Variants in PCDH15 observed in about 807,000 individuals in gnomAD.
The protein encoded by PCDH15 is protocadherin-15.
PCDH15 carries 129 observed loss-of-function variants against 178.5 expected under a neutral mutation model. That is an observed-to-expected ratio of 0.72 (90% CI 0.63 to 0.84). The LOEUF (loss-of-function observed/expected upper bound fraction) is 0.84. PCDH15 is among the 40% of genes least tolerant of loss of function. The probability of loss-of-function intolerance (pLI) is 0.00; values close to 1 mark genes in which losing one functional copy is unlikely to be tolerated. For synonymous variants in PCDH15, 800 were observed against 732.0 expected (o/e 1.09, Z -1.50); for missense variants, 2,230 against 2,099.9 (o/e 1.06, Z -1.21).
At chr10:55,120,285 G>A (rs1331678272) in intron 2 of PCDH15, among the ~76,000 whole-genome samples, 3 of 152,104 alleles carry the variant, frequency 2.0e-5, no homozygotes, top group African/African-American at 7.2e-5. Flanking sequence ...GATGAGACCT[G>A]GTGTGAAGGA....
intron 9 of PCDH15, among the ~76,000 whole-genome samples, chr10:54,233,498 T>C (rs185983143): frequency 1.3e-5 from 2 of 152,326 alleles, no homozygotes; most frequent in Admixed American, 1.3e-4. Flanking sequence ...GAATAGAGTT[T>C]GTATTATTTC....
rs182246199 is a variant in PCDH15 at position 54,056,535 on chromosome 10, A to G, written c.2220+10222T>C. 2.0e-5 allele frequency among the ~76,000 whole-genome samples: 3 copies of G among 152,250 alleles called. No homozygotes were observed. The East Asian group carries it at 5.8e-4, about 30-fold the overall frequency. On this transcript the variant is annotated intron_variant, in intron 18 of 37. Transcript: ENST00000644397. Reference sequence around the variant, plus strand: ...TCAGATCTTGAGAGACTTATTCACTACCATGAGAACAGTGTGGGGAAAACT... The same window carrying G: ...TCAGATCTTGAGAGACTTATTCACTGCCATGAGAACAGTGTGGGGAAAACT...
chr10:54,907,281 A>T (rs916655673), intron 2 of PCDH15, among the ~76,000 whole-genome samples: 6 of 152,338 alleles, frequency 3.9e-5, no homozygotes, highest in South Asian at 2.1e-4. Flanking sequence ...TAACTGAAAA[A>T]TATCTGATTT....
intron 1 of PCDH15, among the ~76,000 whole-genome samples, chr10:55,204,754 T>A (rs1035540105): frequency 2.6e-5 from 4 of 152,052 alleles, no homozygotes; most frequent in Non-Finnish European, 5.9e-5. Flanking sequence ...AAAATCTTTA[T>A]CAAGGACTCA....
intron 2 of PCDH15, among the ~76,000 whole-genome samples, chr10:55,337,917 A>C (rs1432085981): frequency 6.6e-6 from 1 of 152,326 alleles, no homozygotes; most frequent in Middle Eastern, 3.4e-3. Flanking sequence ...TCCATCTGAC[A>C]AAGGCTTAAT....
At chr10:54,534,173 G>GT (rs978872150) in intron 2 of PCDH15, among the ~76,000 whole-genome samples, 6 of 152,016 alleles carry the variant, frequency 3.9e-5, no homozygotes, top group Non-Finnish European at 8.8e-5. Context: ...CGAATAAAAT[G>GT]TTTTTTCTAT....
intron 2 of PCDH15, among the ~76,000 whole-genome samples, chr10:55,351,024 T>G (rs1844916665): frequency 1.1e-5 from 1 of 91,836 alleles, no homozygotes. Flanking sequence ...CTCTCCCTGC[T>G]TCCTCCCCCT....
chr10:54,938,513 C>T (rs1179421148), intron 2 of PCDH15, among the ~76,000 whole-genome samples: 6 of 151,804 alleles, frequency 4.0e-5, no homozygotes, highest in Admixed American at 3.9e-4. Context: ...TTAATTTTTT[C>T]TTAAATATTT....
intron 2 of PCDH15, among the ~76,000 whole-genome samples, chr10:54,577,165 C>T (rs2090560665): frequency 6.6e-6 from 1 of 151,900 alleles, no homozygotes; most frequent in Non-Finnish European, 1.5e-5. Flanking sequence ...TCACTGCAAC[C>T]TCTGCCTACT....
intron 2 of PCDH15, among the ~76,000 whole-genome samples, chr10:55,391,144 C>T (rs1328687789): frequency 6.6e-6 from 1 of 152,160 alleles, no homozygotes; most frequent in East Asian, 1.9e-4. Flanking sequence ...TTAGTGTAGC[C>T]ACACTTATCA....
intron 2 of PCDH15, among the ~76,000 whole-genome samples, chr10:55,326,166 T>C (rs1231359712): frequency 1.3e-5 from 2 of 152,210 alleles, no homozygotes; most frequent in East Asian, 3.9e-4. Flanking sequence ...TTTACAGAAA[T>C]CAGTTTGACA....
rs16907458 is a variant in PCDH15, at chr10:55,475,012, T to G, written c.-156+152613A>C. On this transcript the variant is annotated intron_variant, in intron 2 of 5. Transcript: ENST00000613346. ...TAATTACTGGCCATCTAACTAAAAT[T>G]AGTACCTTCACAACACTCGTCTTCG... Among the ~76,000 whole-genome samples, 712 of 152,152 alleles carry G rather than the reference T, an allele frequency of 4.7e-3. 7 individuals are homozygous for G. Among genetic ancestry groups the G allele is most frequent in the African/African-American group, 0.016 (678 of 41,520 alleles).
chr10:55,033,275 G>T (rs911604904), intron 2 of PCDH15, among the ~76,000 whole-genome samples: 4 of 152,102 alleles, frequency 2.6e-5, no homozygotes, highest in Non-Finnish European at 5.9e-5. Context: ...TGGCAGCAGG[G>T]CCGCTCGAGA....
At chr10:55,458,664 A>T (rs538190556) in intron 2 of PCDH15, among the ~76,000 whole-genome samples, 2 of 152,032 alleles carry the variant, frequency 1.3e-5, no homozygotes, top group Non-Finnish European at 2.9e-5. Flanking sequence ...TGAATAGCAG[A>T]ACTAAAATAT....
intron 1 of PCDH15, among the ~76,000 whole-genome samples, chr10:55,271,659 T>G (rs539477979): frequency 7.2e-5 from 11 of 152,166 alleles, no homozygotes; most frequent in African/African-American, 2.2e-4. Flanking sequence ...ATTGAAGCAG[T>G]GGTCACTCCT....
chr10:55,415,478 C>T (rs1245297759), intron 2 of PCDH15, among the ~76,000 whole-genome samples: 3 of 151,560 alleles, frequency 2.0e-5, no homozygotes, highest in Admixed American at 6.6e-5. Flanking sequence ...GATAAAAGGA[C>T]GTTTTACAAT....
intron 3 of PCDH15, among the ~76,000 whole-genome samples, chr10:54,875,434 A>G (rs1041280657): frequency 2.0e-5 from 3 of 152,112 alleles, no homozygotes; most frequent in African/African-American, 7.2e-5. Context: ...ATCTCACTTT[A>G]ATTTCAAACC....
At chr10:55,408,918 G>A (rs538113056) in intron 2 of PCDH15, among the ~76,000 whole-genome samples, 14 of 152,182 alleles carry the variant, frequency 9.2e-5, no homozygotes, top group African/African-American at 3.1e-4. Context: ...ATTTGGCATG[G>A]TGTATCACCA....
At chr10:55,250,932 G>A (rs1301734393) in intron 1 of PCDH15, among the ~76,000 whole-genome samples, 2 of 151,844 alleles carry the variant, frequency 1.3e-5, no homozygotes, top group Non-Finnish European at 2.9e-5. Flanking sequence ...AATAATGCTC[G>A]GTAGGAAGTA....
Sources: gnomAD v4.1 joint callset for allele counts (sites outside exome capture counted in the v4.1 genomes callset) on GRCh38, gnomAD v4.1.1 for gene constraint, MANE v1.5 for transcripts, NCBI Gene and HGNC (gene_info 2026-07-23, HGNC 2026-07-21) for gene names.